Variants in SCLT1 observed in about 807,000 individuals in gnomAD.
The protein encoded by SCLT1 is sodium channel and clathrin linker 1, also known as sodium channel-associated protein 1.
SCLT1 carries 78 observed loss-of-function variants against 112.8 expected under a neutral mutation model. That is an observed-to-expected ratio of 0.69 (90% CI 0.58 to 0.83). The LOEUF is 0.83. SCLT1 is among the 40% of genes least tolerant of loss of function. The pLI is 0.00. For synonymous variants in SCLT1, 257 were observed against 254.7 expected (o/e 1.01, Z -0.09); for missense variants, 747 against 770.4 (o/e 0.97, Z 0.36).
downstream of SCLT1, among the ~76,000 whole-genome samples, chr4:128,880,826 T>A (rs1306180594): frequency 6.6e-6 from 1 of 152,160 alleles, no homozygotes; most frequent in Non-Finnish European, 1.5e-5. Context: ...GAAAGTATGT[T>A]TCGCAATCTT....
chr4:128,959,762 G>C lies in SCLT1; in HGVS notation c.885C>G (p.Ile295Met), dbSNP rs1205358356. ...KQLEIRLCVTIQEANQLRTEN... is the reference protein window; with the variant it reads ...KQLEIRLCVTMQEANQLRTEN... Reference sequence around the variant, plus strand: ...CGGTTCTTAATTGGTTGGCTTCTTGGATTGTCACACATAATCTAGAAATCA... The same window carrying C: ...CGGTTCTTAATTGGTTGGCTTCTTGCATTGTCACACATAATCTAGAAATCA... Residue 295 changes from isoleucine to methionine, a missense_variant, in exon 12 of 21, where the codon ATC (isoleucine) becomes ATG (methionine). This residue lies in a region of SCLT1 where 723 missense variants were observed against 721.3 expected (regional missense o/e 1.00). Transcript: ENST00000281142. 2 of 1,612,866 alleles carry C rather than the reference G, an allele frequency of 1.2e-6. No individual in the cohort carries two copies. Among genetic ancestry groups the C allele is most frequent in the East Asian group, 2.2e-5 (1 of 44,784 alleles).
intron 11 of SCLT1, 84 bp downstream of exon 11, chr4:128,965,143 T>C: frequency 1.5e-6 from 1 of 684,788 alleles, no homozygotes; most frequent in Non-Finnish European, 2.6e-6. Context: ...AAATATTTAT[T>C]CTAGTAAATA....
intron 19 of SCLT1, among the ~76,000 whole-genome samples, 174 bp from the exon 20 acceptor site, chr4:128,888,948 C>G (rs773048576): frequency 2.6e-5 from 4 of 152,216 alleles, no homozygotes; most frequent in Non-Finnish European, 5.9e-5. Context: ...CTTTGTTTTA[C>G]ATTCTTAATA....
intron 8 of SCLT1, 48 bp downstream of exon 8, chr4:128,997,826 G>T: frequency 3.6e-6 from 3 of 841,102 alleles, no homozygotes; most frequent in South Asian, 3.8e-5. Flanking sequence ...AAATAAATAT[G>T]ATTATTTATA....
At chr4:129,039,126 C>T (rs199635869) in intron 4 of SCLT1, 30 bp from the exon 5 acceptor site, 235 of 1,497,460 alleles carry the variant, frequency 1.6e-4, no homozygotes, top group Non-Finnish European at 2.0e-4. Flanking sequence ...TGTGGCAATA[C>T]ATTTTGCAGA....
intron 2 of SCLT1, among the ~76,000 whole-genome samples, chr4:129,067,005 A>T (rs1353706709): frequency 4.6e-5 from 7 of 152,166 alleles, no homozygotes; most frequent in African/African-American, 1.7e-4. Context: ...AAAACATGAA[A>T]CATAACAAAA....
At chr4:129,037,871 A>C (rs1747320600) in intron 5 of SCLT1, 2 of 152,202 alleles carry the variant, frequency 1.3e-5, no homozygotes, top group Non-Finnish European at 2.9e-5. Flanking sequence ...GTAAATAAAC[A>C]TATAAAAATG....
intron 2 of SCLT1, among the ~76,000 whole-genome samples, chr4:129,078,992 T>G (rs1400652194): frequency 1.3e-5 from 2 of 152,092 alleles, no homozygotes; most frequent in African/African-American, 4.8e-5. Context: ...GGGGAGGTAC[T>G]ACCCATTTAT....
chr4:129,070,140 T>A (rs1044208461), intron 2 of SCLT1, among the ~76,000 whole-genome samples: 2 of 152,156 alleles, frequency 1.3e-5, no homozygotes, highest in Non-Finnish European at 2.9e-5. Context: ...TCTCGCTACG[T>A]TGTTGGATAC....
intron 2 of SCLT1, among the ~76,000 whole-genome samples, chr4:129,053,556 G>GTTTTTT (rs1749035905): frequency 3.1e-5 from 1 of 32,414 alleles, no homozygotes; most frequent in African/African-American, 1.3e-4. Context: ...TGCAATCCCT[G>GTTTTTT]ATTTTTTTTT....
At chr4:129,057,409 CTTTTTTT>C (rs35098310) in intron 2 of SCLT1, among the ~76,000 whole-genome samples, 12 of 132,622 alleles carry the variant, frequency 9.0e-5, no homozygotes, top group African/African-American at 3.1e-4. Flanking sequence ...TAATATTATT[CTTTTTTT>C]TTTTTTTTTT....
chr4:129,059,406 G>C (rs1298939560), intron 2 of SCLT1, among the ~76,000 whole-genome samples: 1 of 152,098 alleles, frequency 6.6e-6, no homozygotes, highest in East Asian at 1.9e-4. Flanking sequence ...CTAGTGATAA[G>C]GTTTGATGCT....
chr4:129,040,250 C>T, intron 4 of SCLT1: 1 of 702,536 alleles, frequency 1.4e-6, no homozygotes, highest in South Asian at 1.5e-5. Context: ...TAATTCACTA[C>T]CAGATAATTG....
At chr4:128,907,640 TA>T (rs1324687504) in intron 18 of SCLT1, among the ~76,000 whole-genome samples, 5 of 152,178 alleles carry the variant, frequency 3.3e-5, no homozygotes, top group African/African-American at 1.2e-4. Context: ...GAGTTGGAAA[TA>T]CAGACTATTT....
chr4:128,969,471 C>T (rs1740492001), intron 10 of SCLT1, among the ~76,000 whole-genome samples: 1 of 152,040 alleles, frequency 6.6e-6, no homozygotes, highest in Non-Finnish European at 1.5e-5. Flanking sequence ...ACTTGGGAGG[C>T]TGAGGCAGGA....
intron 2 of SCLT1, among the ~76,000 whole-genome samples, chr4:129,068,420 G>A (rs558065207): frequency 1.3e-5 from 2 of 152,324 alleles, no homozygotes; most frequent in South Asian, 4.1e-4. Flanking sequence ...CATTCTTGCA[G>A]GAGTAAGGTG....
chr4:129,082,471 G>A (rs1205125146), intron 1 of SCLT1, 98 bp from the exon 2 acceptor site: 4 of 601,680 alleles, frequency 6.6e-6, no homozygotes, highest in Admixed American at 3.0e-5. Flanking sequence ...CATGCAAAAC[G>A]GCTAGTCTTC....
intron 19 of SCLT1, among the ~76,000 whole-genome samples, chr4:128,890,561 A>C (rs547848090): frequency 6.6e-6 from 1 of 152,308 alleles, no homozygotes; most frequent in East Asian, 1.9e-4. Flanking sequence ...TCAAATGAAG[A>C]GATCTAAAAA....
chr4:129,065,154 G>T (rs1000509472), intron 2 of SCLT1, among the ~76,000 whole-genome samples: 1 of 151,598 alleles, frequency 6.6e-6, no homozygotes, highest in Non-Finnish European at 1.5e-5. Context: ...CTTGAAGTTG[G>T]GTATAGAAGT....
Sources: allele counts gnomAD v4.1 joint callset (sites outside exome capture counted in the v4.1 genomes callset), GRCh38; gene constraint gnomAD v4.1.1; regional missense constraint gnomAD v4.1.1; transcripts MANE v1.5; gene names NCBI Gene and HGNC (gene_info 2026-07-23, HGNC 2026-07-21).